The following CLHC1 variants were observed in gnomAD, a reference collection of about 807,000 sequenced individuals.
CLHC1 encodes the protein clathrin heavy chain linker domain containing 1.
CLHC1 carries 72 observed loss-of-function variants against 69.5 expected under a neutral mutation model. That is an observed-to-expected ratio of 1.04 (90% CI 0.86 to 1.26). The LOEUF is 1.26. Ranked by LOEUF, CLHC1 falls within the 50% of genes most tolerant of loss-of-function variation. CLHC1 has a pLI of 0.00. For synonymous variants in CLHC1, 223 were observed against 224.3 expected (o/e 0.99, Z 0.05); for missense variants, 790 against 679.3 (o/e 1.16, Z -1.81).
chr2:55,201,713 A>T (rs1376212214), intron 9 of CLHC1, among the ~76,000 whole-genome samples: 1 of 152,150 alleles, frequency 6.6e-6, no homozygotes, highest in Non-Finnish European at 1.5e-5. Context: ...ACACATCAGA[A>T]AAGAAAACTA....
intron 9 of CLHC1, among the ~76,000 whole-genome samples, chr2:55,205,269 T>C (rs1672327075): frequency 6.6e-6 from 1 of 152,086 alleles, no homozygotes; most frequent in Non-Finnish European, 1.5e-5. Context: ...ACTGGGTATC[T>C]ACCCAAAGGA....
intron 3 of CLHC1, among the ~76,000 whole-genome samples, chr2:55,221,828 T>C (rs111556498): frequency 6.6e-6 from 1 of 152,062 alleles, no homozygotes; most frequent in African/African-American, 2.4e-5. Flanking sequence ...ATTTTAAAAA[T>C]TAGTCAGGAG....
At chr2:55,226,121 G>A (rs913091514) in intron 2 of CLHC1, among the ~76,000 whole-genome samples, 2 of 151,666 alleles carry the variant, frequency 1.3e-5, no homozygotes, top group Admixed American at 6.6e-5. Context: ...GAACCCGGGA[G>A]GCGGAGGTTG....
chr2:55,212,701 G>A lies in CLHC1; in HGVS notation c.471C>T (p.Phe157=), dbSNP rs1483793418. 6.3e-7 allele frequency: 1 copy of A among 1,598,310 alleles called. No individual in the cohort carries two copies. The highest frequency in any genetic ancestry group is 1.7e-5 in the Admixed American group (1 of 59,958). ...YDTKEVKYCT[F]SKDPSKPIPG... is the part of the protein sequence containing the mutation. ...GAATAGGTTTTGAAGGATCTTTGGAGAAAGTACAATATTTTACTTCTTTTG... is the reference window on the plus strand; with the variant it reads ...GAATAGGTTTTGAAGGATCTTTGGAAAAAGTACAATATTTTACTTCTTTTG... Residue 157 remains phenylalanine (F), a synonymous_variant, in exon 5 of 13, where the codon TTC becomes TTT. Coordinates refer to ENST00000401408, the MANE Select transcript of CLHC1 (RefSeq NM_152385.4).
Position 55,173,587 on chromosome 2 carries a change from C to G in CLHC1, c.*2203G>C, listed in dbSNP as rs1669136352. Among the ~76,000 whole-genome samples, 1 of 152,168 alleles carries G rather than the reference C, an allele frequency of 6.6e-6. No individual in the cohort carries two copies. The highest frequency in any genetic ancestry group is 6.6e-5 in the Admixed American group (1 of 15,260). On this transcript the variant is annotated 3_prime_UTR_variant, in exon 13 of 13. Transcript: ENST00000401408. ...ATAGCTAGACAGTGGTGGGGCTGGT[C>G]TAGAATGCAGGTTTCTGTGCTGAGG...
chr2:55,174,370 A>C lies in CLHC1; in HGVS notation c.*1420T>G, dbSNP rs1669199544. On this transcript the variant is annotated 3_prime_UTR_variant, in exon 13 of 13. Transcript: ENST00000401408. Reference sequence around the variant, plus strand: ...GACAGATAACTTAATCTCAGCAATAAGTTGTACCAATATATCAAATACTTT... The same window carrying C: ...GACAGATAACTTAATCTCAGCAATACGTTGTACCAATATATCAAATACTTT... 6.6e-6 allele frequency among the ~76,000 whole-genome samples: 1 copy of C among 152,230 alleles called. No individual in the cohort carries two copies.
chr2:55,221,044 T>C (rs1184340763), intron 3 of CLHC1, among the ~76,000 whole-genome samples: 1 of 152,218 alleles, frequency 6.6e-6, no homozygotes, highest in Non-Finnish European at 1.5e-5. Flanking sequence ...TATATATCAC[T>C]ATCTGAACCT....
At chr2:55,200,456 G>C (rs1035424019) in intron 9 of CLHC1, among the ~76,000 whole-genome samples, 1 of 151,936 alleles carries the variant, frequency 6.6e-6, no homozygotes, top group African/African-American at 2.4e-5. Context: ...AATGATAAAG[G>C]GGTCAATTCA....
rs1423500745 is a variant in CLHC1 at position 55,175,889 on chromosome 2, T to C, written c.1662A>G (p.Leu554=). The C allele has an allele frequency of 4.3e-6, 7 of 1,613,908 alleles. No homozygotes were observed. The highest frequency in any genetic ancestry group is 1.3e-5 in the African/African-American group (1 of 74,938). Residue 554 remains leucine (L), a synonymous_variant, in exon 13 of 13, where the codon TTA becomes TTG. Transcript: ENST00000401408. Reference sequence around the variant, plus strand: ...GAAGAATAGACGTGATGTCATTAGATAATTTGTCAAAGCCATTCTGTGAAC... The same window carrying C: ...GAAGAATAGACGTGATGTCATTAGACAATTTGTCAAAGCCATTCTGTGAAC... ...NICSQNGFDK[L]SNDITSILRS...
chr2:55,211,108 T>G (rs1248723184), intron 5 of CLHC1, among the ~76,000 whole-genome samples: 1 of 152,164 alleles, frequency 6.6e-6, no homozygotes, highest in Non-Finnish European at 1.5e-5. Flanking sequence ...ACCAGTCCCT[T>G]ACCCAGAATT....
At chr2:55,213,566 C>T (rs746979654) in intron 4 of CLHC1, among the ~76,000 whole-genome samples, 9 of 151,902 alleles carry the variant, frequency 5.9e-5, no homozygotes, top group Non-Finnish European at 1.3e-4. Flanking sequence ...TAATTTTGAT[C>T]CTAGAGCTAG....
chr2:55,209,199 A>C (rs1672744228), intron 7 of CLHC1, among the ~76,000 whole-genome samples: 1 of 151,928 alleles, frequency 6.6e-6, no homozygotes, highest in Non-Finnish European at 1.5e-5. Flanking sequence ...GTACATTTTC[A>C]GGCATTCTGT....
chr2:55,222,064 A>C (rs1050306016), intron 3 of CLHC1, among the ~76,000 whole-genome samples, 171 bp downstream of exon 3: 3 of 152,200 alleles, frequency 2.0e-5, no homozygotes, highest in African/African-American at 7.2e-5. Context: ...CAAATCCAGA[A>C]TTGCATTTTT....
chr2:55,188,689 A>G (rs1670644771), intron 9 of CLHC1, among the ~76,000 whole-genome samples: 1 of 152,144 alleles, frequency 6.6e-6, no homozygotes, highest in African/African-American at 2.4e-5. Flanking sequence ...AACCACCTAC[A>G]TGTCAATCCA....
chr2:55,182,465 G>A (rs187963719), intron 9 of CLHC1, among the ~76,000 whole-genome samples: 110 of 152,242 alleles, frequency 7.2e-4, no homozygotes, highest in African/African-American at 2.6e-3. Context: ...TGCAGGGGAG[G>A]AAGACTGTCA....
In CLHC1 at chr2:55,208,726, G is replaced by A; in HGVS notation, c.815-16C>T. On this transcript the variant is annotated splice_polypyrimidine_tract_variant and intron_variant, in intron 7 of 12. Coordinates refer to ENST00000401408, the MANE Select transcript of CLHC1 (RefSeq NM_152385.4). ...CCTTGGTCACCTGTAAATATTGAAA[G>A]TACTACTGGAAGATATTTAAGGTTA... The A allele has an allele frequency of 2.0e-6, 3 of 1,529,826 alleles. No homozygotes were observed. Among genetic ancestry groups the A allele is most frequent in the Non-Finnish European group, 1.8e-6 (2 of 1,104,092 alleles). The allele number at this position is 1,529,826 out of a possible 1,614,324, so 94.8% of individuals were successfully genotyped here.
Position 55,189,606 on chromosome 2 carries a change from G to A in CLHC1, c.1007-7862C>T, listed in dbSNP as rs115674539. Among the ~76,000 whole-genome samples the A allele has an allele frequency of 5.4e-3, 827 of 152,286 alleles. 6 individuals are homozygous for A. The highest frequency in any genetic ancestry group is 9.8e-3 in the Non-Finnish European group (669 of 68,020). On this transcript the variant is annotated intron_variant, in intron 9 of 12. Coordinates refer to ENST00000401408, the MANE Select transcript of CLHC1 (RefSeq NM_152385.4). ...GTCTGAGTTCCTGAATTGAGGACAC[G>A]GAGCTGGAAGTCTGGTGAGGTCAAT...
chr2:55,176,389 G>A lies in CLHC1; in HGVS notation c.1565-403C>T, dbSNP rs190604409. Among the ~76,000 whole-genome samples, 373 of 152,222 alleles carry A rather than the reference G, an allele frequency of 2.5e-3. 1 individual carries two copies. The highest frequency in any genetic ancestry group is 3.4e-3 in the Non-Finnish European group (231 of 68,020). ...CTATGAAATAACTGTAAACCTATAG[G>A]TCAAGTTTTCATGATTTCAAACACT... On this transcript the variant is annotated intron_variant, in intron 12 of 12. Coordinates refer to ENST00000401408, the MANE Select transcript of CLHC1 (RefSeq NM_152385.4).
Position 55,223,536 on chromosome 2 carries a change from G to T in CLHC1, c.-82-1043C>A, listed in dbSNP as rs181820447. ...TGGCCTGCTGTGCTCCGAGCGCCAA[G>T]GGTCGGCGCGACCGCTCTCGGCTTT... On this transcript the variant is annotated intron_variant, in intron 2 of 12. Coordinates refer to ENST00000401408, the MANE Select transcript of CLHC1 (RefSeq NM_152385.4). 3.9e-5 allele frequency among the ~76,000 whole-genome samples: 6 copies of T among 152,240 alleles called. No homozygotes were observed. The East Asian group carries it at 1.2e-3, about 30-fold the overall frequency.
Sources: allele counts gnomAD v4.1 joint callset (sites outside exome capture counted in the v4.1 genomes callset), GRCh38; gene constraint gnomAD v4.1.1; transcripts MANE v1.5; gene names NCBI Gene and HGNC (gene_info 2026-07-23, HGNC 2026-07-21).